CEP162: variants seen among roughly 807,000 people sequenced by gnomAD.
The protein encoded by CEP162 is centrosomal protein of 162 kDa.
Under a neutral mutation model 169.2 loss-of-function variants are expected in CEP162, and 141 were observed. That is an observed-to-expected ratio of 0.83 (90% confidence interval 0.73 to 0.96). CEP162 has a LOEUF of 0.96. Ranked by LOEUF, CEP162 falls within the 40% of genes least tolerant of loss-of-function variation. The probability of loss-of-function intolerance (pLI) is 0.00; values close to 1 mark genes in which losing one functional copy is unlikely to be tolerated. For synonymous variants in CEP162, 540 were observed against 526.4 expected, an observed-to-expected ratio of 1.03 and a Z score of -0.35; for missense variants, 1,600 against 1,587.2, an observed-to-expected ratio of 1.01 and a Z score of -0.14.
intron 3 of CEP162, among the ~76,000 whole-genome samples, chr6:84,216,923 A>G (rs1016920603): frequency 6.6e-6 from 1 of 152,228 alleles, no homozygotes; most frequent in African/African-American, 2.4e-5. Flanking sequence ...AAAAAGTTTC[A>G]AAAATGTTCT....
chr6:84,178,800 A>C (rs1187525510), intron 13 of CEP162, among the ~76,000 whole-genome samples: 1 of 151,576 alleles, frequency 6.6e-6, no homozygotes, highest in African/African-American at 2.4e-5. Context: ...CTAATGCTAT[A>C]CCTCCCCGCT....
At position 84,160,831 on chromosome 6, in the gene CEP162, A is replaced by AT. The variant is rs1562026955; in HGVS notation, c.2761dup (p.Ile921AsnfsTer9). On this transcript the variant is annotated frameshift_variant, in exon 21 of 27. Coordinates refer to ENST00000403245, the MANE Select transcript of CEP162 (RefSeq NM_014895.4). LOFTEE classifies it high-confidence loss of function. ...ACATACTTGTCGCTCCAGATCCTGA[A>AT]TTTTTTTGGCATCTGCTGCTTTATC... The AT allele has an allele frequency of 1.9e-6, 3 of 1,609,680 alleles. No individual in the cohort carries two copies. The highest frequency in any genetic ancestry group is 1.7e-5 in the Admixed American group (1 of 59,976).
intron 1 of CEP162, 103 bp downstream of exon 1, chr6:84,227,477 A>C (rs541236896): frequency 6.6e-6 from 1 of 152,342 alleles, no homozygotes; most frequent in African/African-American, 2.4e-5. Context: ...CGGGCGGAGA[A>C]GGGGAATGAC....
intron 24 of CEP162, among the ~76,000 whole-genome samples, chr6:84,148,605 T>C (rs1248443373): frequency 6.6e-6 from 1 of 152,174 alleles, no homozygotes; most frequent in Non-Finnish European, 1.5e-5. Flanking sequence ...AGAAAATTTA[T>C]AGTAATTTCT....
intron 6 of CEP162, among the ~76,000 whole-genome samples, chr6:84,208,790 A>G (rs1031493912): frequency 3.3e-5 from 5 of 152,274 alleles, no homozygotes; most frequent in African/African-American, 1.2e-4. Context: ...ATTTTCTAAT[A>G]TCAGTAGACA....
Position 84,175,305 on chromosome 6 carries a change from T to C in CEP162, c.1706A>G (p.Asp569Gly). 1.3e-6 allele frequency: 2 copies of C among 1,547,436 alleles called. No individual in the cohort carries two copies. The highest frequency in any genetic ancestry group is 8.7e-7 in the Non-Finnish European group (1 of 1,144,782). The change falls in exon 14 of 27, where the codon GAT becomes GGT. Residue 569 changes from aspartate to glycine, a missense_variant. Asp to Gly is a moderately conservative substitution (Grantham distance 94). Coordinates refer to ENST00000403245, the MANE Select transcript of CEP162 (RefSeq NM_014895.4). ...GTKLIKPAALDKPAHKTESCL... is the reference protein window; with the variant it reads ...GTKLIKPAALGKPAHKTESCL... ...ACTTTCAGTTTTGTGAGCTGGTTTATCCAAAGCTGCAGGCTTGATGAGTTT... is the reference window on the plus strand; with the variant it reads ...ACTTTCAGTTTTGTGAGCTGGTTTACCCAAAGCTGCAGGCTTGATGAGTTT...
chr6:84,152,930 G>C lies in CEP162; in HGVS notation c.3244C>G (p.His1082Asp), dbSNP rs777263231. ...QSIEFQVEQA[H>D]AKAKLVRLNE... is the part of the protein sequence containing the mutation. Reference sequence around the variant, plus strand: ...AGTCTTACTAATTTAGCTTTAGCATGAGCCTGTTCCACCTGGAATTCTATA... The same window carrying C: ...AGTCTTACTAATTTAGCTTTAGCATCAGCCTGTTCCACCTGGAATTCTATA... The change falls in exon 23 of 27, where the codon CAT becomes GAT. Residue 1082 changes from histidine (H) to aspartate (D), a missense_variant. Physicochemically the swap from His to Asp is moderately conservative, Grantham distance 81. Transcript: ENST00000403245. 1 of 1,613,682 alleles carries C rather than the reference G, an allele frequency of 6.2e-7. No individual in the cohort carries two copies.
intron 18 of CEP162, among the ~76,000 whole-genome samples, chr6:84,169,084 G>C (rs534482795): frequency 5.9e-5 from 9 of 152,256 alleles, no homozygotes; most frequent in Non-Finnish European, 1.3e-4. Flanking sequence ...ACAAATGCCT[G>C]ATGAGAGGCT....
chr6:84,173,101 CA>C (rs1415035955), intron 16 of CEP162, among the ~76,000 whole-genome samples: 3 of 152,096 alleles, frequency 2.0e-5, no homozygotes, highest in Non-Finnish European at 2.9e-5. Flanking sequence ...ATAGCAAAAC[CA>C]GCCAATACTG....
At chr6:84,141,175 A>G (rs1354308397) in intron 25 of CEP162, among the ~76,000 whole-genome samples, 1 of 152,170 alleles carries the variant, frequency 6.6e-6, no homozygotes, top group Non-Finnish European at 1.5e-5. Flanking sequence ...TTTGTGGCCC[A>G]GGGTTGGGGA....
intron 23 of CEP162, among the ~76,000 whole-genome samples, chr6:84,150,777 CAA>C (rs2099520794): frequency 6.6e-6 from 1 of 152,086 alleles, no homozygotes; most frequent in Non-Finnish European, 1.5e-5. Flanking sequence ...ACTTAAGAAA[CAA>C]GCTTTCCATT....
chr6:84,152,152 C>A lies in CEP162; in HGVS notation c.3629+393G>T, dbSNP rs143546534. Among the ~76,000 whole-genome samples the A allele has an allele frequency of 9.9e-5, 15 of 152,276 alleles. No homozygotes were observed. In the East Asian group the frequency reaches 2.9e-3, roughly 29 times the overall value. On this transcript the variant is annotated intron_variant, in intron 23 of 26. Transcript: ENST00000403245. ...GTTATTTTTGAAAAGAGGACCTTTT[C>A]CTTTTAGACTGCCAACTAGCTTTAA...
chr6:84,175,145 T>G, intron 14 of CEP162, 69 bp downstream of exon 14: 1 of 1,054,584 alleles, frequency 9.5e-7, no homozygotes, highest in Non-Finnish European at 1.3e-6. Context: ...TATATTTTGT[T>G]ATATATAATT....
chr6:84,159,624 G>T lies in CEP162; in HGVS notation c.2781+1188C>A, dbSNP rs138306177. 3.1e-3 allele frequency among the ~76,000 whole-genome samples: 377 copies of T among 123,236 alleles called. 3 individuals are homozygous for T. The highest frequency in any genetic ancestry group is 0.011 in the African/African-American group (343 of 31,696). The allele number at this position is 123,236 out of a possible 152,430, so 80.8% of individuals were successfully genotyped here. On this transcript the variant is annotated intron_variant, in intron 21 of 26. Transcript: ENST00000403245. ...CCATCACCCAGGCTGAGGTACAGTG[G>T]CATGATCTTGGCTCATTCCAACTTC...
At chr6:84,200,943 T>A (rs1346619161) in intron 8 of CEP162, 38 bp from the exon 9 acceptor site, 1 of 1,223,152 alleles carries the variant, frequency 8.2e-7, no homozygotes, top group East Asian at 2.4e-5. Flanking sequence ...GGAATGTAGA[T>A]AAACTCAGTG....
At chr6:84,128,571 T>G (rs1307203449) in intron 25 of CEP162, among the ~76,000 whole-genome samples, 1 of 152,158 alleles carries the variant, frequency 6.6e-6, no homozygotes, top group Non-Finnish European at 1.5e-5. Flanking sequence ...TATTTCACTT[T>G]CCTTAGCATC....
chr6:84,131,256 A>C (rs1054258146), intron 25 of CEP162, among the ~76,000 whole-genome samples: 1 of 152,276 alleles, frequency 6.6e-6, no homozygotes, highest in Admixed American at 6.5e-5. Context: ...GCATTTGCTG[A>C]GGAGTGTTTT....
rs1400330989 is a variant in CEP162, at chr6:84,161,870, T to C, written c.2552A>G (p.His851Arg). Reference protein sequence around the residue: ...LYEIKILEETHKQEISRLQKR... With the variant: ...LYEIKILEETRKQEISRLQKR... ...TTGCAGACGACTGATTTCTTGTTTA[T>C]GTGTTTCTTCTAAAATTTTTATTTC... is the stretch of plus-strand genomic sequence containing the variant. Residue 851 changes from histidine (H) to arginine (R), a missense_variant, in exon 20 of 27, where the codon CAT (histidine) becomes CGT (arginine). His to Arg is a conservative substitution (Grantham distance 29). Coordinates refer to ENST00000403245, the MANE Select transcript of CEP162 (RefSeq NM_014895.4). 7.0e-6 allele frequency: 11 copies of C among 1,568,980 alleles called. No homozygotes were observed. In the Middle Eastern group the frequency reaches 7.0e-4, roughly 100 times the overall value.
intron 22 of CEP162, among the ~76,000 whole-genome samples, chr6:84,154,322 A>ATCTATCTG (rs1562019923): frequency 7.4e-6 from 1 of 134,802 alleles, no homozygotes; most frequent in African/African-American, 3.7e-5. Flanking sequence ...ATATCTATCT[A>ATCTATCTG]TCTATCTATC....
Sources: gnomAD v4.1 joint callset for allele counts (sites outside exome capture counted in the v4.1 genomes callset) on GRCh38, gnomAD v4.1.1 for gene constraint, MANE v1.5 for transcripts, NCBI Gene and HGNC (gene_info 2026-07-23, HGNC 2026-07-21) for gene names.